Variants in BICC1 observed in about 807,000 individuals in gnomAD.
The protein encoded by BICC1 is BicC family RNA binding protein 1, also known as protein bicaudal C homolog 1.
In BICC1, 43 loss-of-function variants were observed where a neutral mutation model predicts 111.0. That is an observed-to-expected ratio of 0.39 (90% CI 0.30 to 0.50). The LOEUF (loss-of-function observed/expected upper bound fraction) is 0.50, where lower values mean the gene tolerates loss of function less well. Among genes scored for constraint, BICC1 ranks in the 20% least tolerant of loss-of-function variants. The pLI, the probability that BICC1 is intolerant of heterozygous loss-of-function variation, is 0.88. For missense variants in BICC1, 1,091 were observed against 1,203.2 expected, an observed-to-expected ratio of 0.91 and a Z score of 1.38; for synonymous variants, 467 against 434.4, an observed-to-expected ratio of 1.07 and a Z score of -0.93.
chr10:58,691,799 G>A (rs1839916233), intron 2 of BICC1, among the ~76,000 whole-genome samples: 1 of 152,082 alleles, frequency 6.6e-6, no homozygotes, highest in African/African-American at 2.4e-5. Context: ...CATTTTGGTT[G>A]GAGGGTTTTT....
At chr10:58,652,701 C>T (rs1838488737) in intron 2 of BICC1, among the ~76,000 whole-genome samples, 1 of 151,806 alleles carries the variant, frequency 6.6e-6, no homozygotes, top group Non-Finnish European at 1.5e-5. Flanking sequence ...ATATTGTTTA[C>T]CTCGTTAAAC....
intron 1 of BICC1, among the ~76,000 whole-genome samples, chr10:58,554,950 G>A (rs1036514984): frequency 2.6e-5 from 4 of 151,504 alleles, no homozygotes; most frequent in Admixed American, 2.0e-4. Context: ...TTTTGGCTCT[G>A]TGACTGATCA....
chr10:58,534,490 A>T (rs1010376711), intron 1 of BICC1, among the ~76,000 whole-genome samples: 1 of 151,774 alleles, frequency 6.6e-6, no homozygotes, highest in Admixed American at 6.6e-5. Context: ...ACTTATACAG[A>T]GTCTTCACCA....
intron 1 of BICC1, among the ~76,000 whole-genome samples, chr10:58,562,444 C>A (rs1285612674): frequency 2.0e-5 from 3 of 151,834 alleles, no homozygotes; most frequent in Non-Finnish European, 4.4e-5. Context: ...TCATTGAATT[C>A]TTTACCTCAA....
At chr10:58,634,116 T>C (rs1242437170) in intron 2 of BICC1, among the ~76,000 whole-genome samples, 1 of 151,530 alleles carries the variant, frequency 6.6e-6, no homozygotes, top group African/African-American at 2.4e-5. Flanking sequence ...CTCAGCCTCC[T>C]GAGTAGCTGG....
chr10:58,513,027 C>A lies in BICC1; in HGVS notation c.-117C>A. 1.4e-6 allele frequency: 1 copy of A among 732,352 alleles called. No individual in the cohort carries two copies. The highest frequency in any genetic ancestry group is 1.8e-6 in the Non-Finnish European group (1 of 553,054). 45.4% of individuals were successfully genotyped at this position (732,352 alleles called of 1,614,324 possible). A position where few individuals can be genotyped will look rare whatever the true frequency, so the allele number is the denominator to read the frequency against. ...GCGTTGGCGGTGGCGTCGGCGGCTGCAGGGGGACGAGCTAGCGCCGCGGCG... is the reference window on the plus strand; with the variant it reads ...GCGTTGGCGGTGGCGTCGGCGGCTGAAGGGGGACGAGCTAGCGCCGCGGCG... On this transcript the variant is annotated 5_prime_UTR_variant, in exon 1 of 21. An upstream open reading frame in the 5' UTR gains an earlier in-frame stop. Transcript: ENST00000373886.
chr10:58,786,994 C>A lies in BICC1; in HGVS notation c.459C>A (p.Asn153Lys), dbSNP rs1280748496. 1.2e-6 allele frequency: 2 copies of A among 1,609,240 alleles called. No individual in the cohort carries two copies. Among genetic ancestry groups the A allele is most frequent in the South Asian group, 2.2e-5 (2 of 90,340 alleles). The change falls in exon 5 of 21, where the codon AAC becomes AAA. Residue 153 changes from asparagine to lysine, a missense_variant. By Grantham distance (94) the Asn-to-Lys change is moderately conservative (BLOSUM62 0). Around this residue, in one of 3 missense-constraint regions of BICC1, gnomAD observed 843 missense variants for 900.8 expected, o/e 0.94. Coordinates refer to ENST00000373886, the MANE Select transcript of BICC1 (RefSeq NM_001080512.3). The part of the protein sequence containing the change: ...EHSHVIGKGG[N>K]NIKKVMEETG... ...CACATGTAATCGGCAAAGGTGGCAA[C>A]AATATTAAAAAAGTGATGGAAGAAA...
At chr10:58,565,016 G>A (rs1843713806) in intron 1 of BICC1, among the ~76,000 whole-genome samples, 1 of 151,954 alleles carries the variant, frequency 6.6e-6, no homozygotes, top group South Asian at 2.1e-4. Context: ...AACTTACCTA[G>A]CCATCAGAGA....
intron 3 of BICC1, among the ~76,000 whole-genome samples, chr10:58,745,688 C>T (rs1211488499): frequency 7.2e-6 from 1 of 139,276 alleles, no homozygotes; most frequent in Admixed American, 8.3e-5. Context: ...TCTGCTTCTT[C>T]TGCCTCCCTC....
At chr10:58,796,584 CCTTT>C in intron 10 of BICC1, 58 bp downstream of exon 10, 1 of 1,503,710 alleles carries the variant, frequency 6.7e-7, no homozygotes. Flanking sequence ...TGTCTGGTTC[CCTTT>C]CTTTCTACCA....
intron 3 of BICC1, among the ~76,000 whole-genome samples, chr10:58,721,588 A>G (rs911888468): frequency 1.3e-5 from 2 of 152,190 alleles, no homozygotes; most frequent in African/African-American, 2.4e-5. Flanking sequence ...CTGCAAAAGT[A>G]TTACAGTGAT....
chr10:58,708,654 C>T (rs1321326911), intron 3 of BICC1, among the ~76,000 whole-genome samples: 2 of 152,224 alleles, frequency 1.3e-5, no homozygotes, highest in South Asian at 4.1e-4. Context: ...CGTGAAGAAG[C>T]TGGCCACTCC....
chr10:58,671,956 G>A (rs1426955152), intron 2 of BICC1, among the ~76,000 whole-genome samples: 4 of 152,014 alleles, frequency 2.6e-5, no homozygotes, highest in East Asian at 1.9e-4. Context: ...TTCATTTGTC[G>A]TCTATGACTT....
At chr10:58,714,732 C>T (rs981429607) in intron 3 of BICC1, among the ~76,000 whole-genome samples, 3 of 152,094 alleles carry the variant, frequency 2.0e-5, no homozygotes, top group African/African-American at 7.2e-5. Context: ...CCTGGTTTCT[C>T]TGTTCTGTCA....
At chr10:58,710,557 A>G (rs1175103935) in intron 3 of BICC1, among the ~76,000 whole-genome samples, 1 of 152,200 alleles carries the variant, frequency 6.6e-6, no homozygotes, top group Non-Finnish European at 1.5e-5. Flanking sequence ...AGGTGTGTAC[A>G]TTTTTGAAAA....
chr10:58,551,216 A>C (rs1843287688), intron 1 of BICC1, among the ~76,000 whole-genome samples: 1 of 152,200 alleles, frequency 6.6e-6, no homozygotes, highest in East Asian at 1.9e-4. Flanking sequence ...GATCTCAATG[A>C]AGTAATGTGA....
At chr10:58,751,940 A>C (rs1168229779) in intron 3 of BICC1, among the ~76,000 whole-genome samples, 15 of 152,176 alleles carry the variant, frequency 9.9e-5, no homozygotes. Flanking sequence ...CAGAAAACCA[A>C]GTTTAATAAT....
At chr10:58,739,329 A>G (rs913708573) in intron 3 of BICC1, among the ~76,000 whole-genome samples, 10 of 152,122 alleles carry the variant, frequency 6.6e-5, no homozygotes, top group East Asian at 5.8e-4. Flanking sequence ...TTCTGCGTCT[A>G]TTGAGATAAT....
At chr10:58,519,187 CACTGTG>C (rs1346617269) in intron 1 of BICC1, among the ~76,000 whole-genome samples, 3 of 152,150 alleles carry the variant, frequency 2.0e-5, no homozygotes, top group Non-Finnish European at 2.9e-5. Flanking sequence ...CTTATTTTTG[CACTGTG>C]GCTGTGGCTG....
Sources: allele counts gnomAD v4.1 joint callset (sites outside exome capture counted in the v4.1 genomes callset), GRCh38; gene constraint gnomAD v4.1.1; regional missense constraint gnomAD v4.1.1; transcripts MANE v1.5; gene names NCBI Gene and HGNC (gene_info 2026-07-23, HGNC 2026-07-21).